The following EDEM3 variants were observed in gnomAD, a reference collection of about 807,000 sequenced individuals.
The protein encoded by EDEM3 is ER degradation enhancing alpha-mannosidase like protein 3.
Under a neutral mutation model 110.2 loss-of-function variants are expected in EDEM3, and 60 were observed. That is an observed-to-expected ratio of 0.54 (90% CI 0.44 to 0.67). The LOEUF (loss-of-function observed/expected upper bound fraction) is 0.67, where lower values mean the gene tolerates loss of function less well. Among genes scored for constraint, EDEM3 ranks in the 30% least tolerant of loss-of-function variants. The probability of loss-of-function intolerance (pLI) is 0.00; values close to 1 mark genes in which losing one functional copy is unlikely to be tolerated. For synonymous variants in EDEM3, 352 were observed against 382.9 expected, an observed-to-expected ratio of 0.92 and a Z score of 0.94; for missense variants, 996 against 1,121.0, an observed-to-expected ratio of 0.89 and a Z score of 1.59.
chr1:184,718,680 G>A (rs548954600), intron 11 of EDEM3, among the ~76,000 whole-genome samples: 2 of 152,212 alleles, frequency 1.3e-5, no homozygotes, highest in African/African-American at 4.8e-5. Flanking sequence ...AAATCAGGAA[G>A]AATAATTCTC....
intron 17 of EDEM3, 78 bp from the exon 18 acceptor site, chr1:184,706,886 T>G (rs1443510373): frequency 2.1e-6 from 3 of 1,422,054 alleles, no homozygotes; most frequent in East Asian, 4.8e-5. Context: ...ATATCTAGAG[T>G]TTTAAAAGAA....
intron 19 of EDEM3, among the ~76,000 whole-genome samples, chr1:184,701,751 A>G (rs538792398): frequency 4.6e-5 from 7 of 152,264 alleles, no homozygotes; most frequent in African/African-American, 1.7e-4. Context: ...TTCTGTTTCC[A>G]TCTATACATT....
rs1649023601 is a variant in EDEM3, at chr1:184,690,660, CCAA to C, written c.*3400_*3402del. ...TACATTTATCACCAAACAATAAAATCCAACAACAGTAGTGTTACAGCACCTGTT... is the reference window on the plus strand; with the variant it reads ...TACATTTATCACCAAACAATAAAATCCAACAGTAGTGTTACAGCACCTGTT... On this transcript the variant is annotated 3_prime_UTR_variant, in exon 20 of 20. Transcript: ENST00000318130. 4 of 152,520 alleles carry C rather than the reference CCAA, an allele frequency of 2.6e-5. No individual in the cohort carries two copies. The highest frequency in any genetic ancestry group is 2.6e-4 in the Admixed American group (4 of 15,260). 9.4% of individuals were successfully genotyped at this position (152,520 alleles called of 1,614,324 possible).
At chr1:184,754,010 G>A (rs1652936631) in intron 1 of EDEM3, among the ~76,000 whole-genome samples, 1 of 152,238 alleles carries the variant, frequency 6.6e-6, no homozygotes, top group South Asian at 2.1e-4. Flanking sequence ...ATAGTAAAAT[G>A]TGTAAAGTTC....
intron 5 of EDEM3, 31 bp from the exon 6 acceptor site, chr1:184,733,021 A>G: frequency 6.2e-7 from 1 of 1,607,636 alleles, no homozygotes; most frequent in Non-Finnish European, 8.5e-7. Context: ...CATTATCCAT[A>G]TCTTATAGAC....
chr1:184,691,135 A>T lies in EDEM3; in HGVS notation c.*2928T>A, dbSNP rs958735706. On this transcript the variant is annotated 3_prime_UTR_variant, in exon 20 of 20. Coordinates refer to ENST00000318130, the MANE Select transcript of EDEM3 (RefSeq NM_025191.4). ...GCCAAGAGTTAATTTGTTCTGAAAC[A>T]ATTATACTCTTTTTGGAAGCCTATT... 1.4e-4 allele frequency: 22 copies of T among 152,568 alleles called. No homozygotes were observed. The highest frequency in any genetic ancestry group is 5.3e-4 in the African/African-American group (22 of 41,448). The allele number at this position is 152,568 out of a possible 1,614,324, so 9.5% of individuals were successfully genotyped here.
intron 19 of EDEM3, among the ~76,000 whole-genome samples, chr1:184,696,436 G>GT (rs199946689): frequency 1.3e-4 from 19 of 150,434 alleles, no homozygotes; most frequent in Non-Finnish European, 2.4e-4. Flanking sequence ...ACCTGTTTTT[G>GT]TTTTTTTTTA....
intron 19 of EDEM3, among the ~76,000 whole-genome samples, chr1:184,696,073 A>G (rs1489944869): frequency 6.6e-6 from 1 of 151,936 alleles, no homozygotes; most frequent in African/African-American, 2.4e-5. Context: ...GCTTCTTTCC[A>G]AATGAAATGC....
chr1:184,712,206 A>G (rs1032114096), intron 14 of EDEM3, among the ~76,000 whole-genome samples: 1 of 152,182 alleles, frequency 6.6e-6, no homozygotes, highest in Non-Finnish European at 1.5e-5. Flanking sequence ...GACTACAGGC[A>G]TGAGCCACCG....
At chr1:184,738,982 A>T (rs1571411361) in intron 2 of EDEM3, among the ~76,000 whole-genome samples, 1 of 150,704 alleles carries the variant, frequency 6.6e-6, no homozygotes, top group South Asian at 2.1e-4. Context: ...ATATTTAGAT[A>T]TTTACTCCAT....
intron 2 of EDEM3, among the ~76,000 whole-genome samples, chr1:184,747,792 C>T (rs1023612507): frequency 1.3e-5 from 2 of 152,208 alleles, no homozygotes. Flanking sequence ...TGTCACAAAC[C>T]TACTAAGTGT....
intron 2 of EDEM3, among the ~76,000 whole-genome samples, chr1:184,747,916 T>G (rs954356290): frequency 2.6e-5 from 4 of 152,220 alleles, no homozygotes; most frequent in African/African-American, 9.6e-5. Flanking sequence ...ATGATCCTAT[T>G]CATTGTGAGA....
At position 184,694,194 on chromosome 1, in the gene EDEM3, G is replaced by A; in HGVS notation, c.2668C>T (p.Gln890Ter). The part of the protein sequence containing the change: ...CTDLDNQLQE[Q>*]SETEEDSNPN... Reference sequence around the variant, plus strand: ...TTGGAATCTTCCTCAGTTTCTGATTGTTCTTGAAGCTGGTTATCTAAATCT... The same window carrying A: ...TTGGAATCTTCCTCAGTTTCTGATTATTCTTGAAGCTGGTTATCTAAATCT... The change falls in exon 20 of 20, where the codon CAA becomes TAA. Residue 890 changes from glutamine (Q) to a stop codon, truncating the protein, a stop_gained. Transcript: ENST00000318130. LOFTEE classifies it high-confidence loss of function. The A allele has an allele frequency of 1.2e-6, 2 of 1,613,408 alleles. No individual in the cohort carries two copies. Among genetic ancestry groups the A allele is most frequent in the South Asian group, 1.1e-5 (1 of 91,062 alleles).
chr1:184,744,535 C>T (rs1424041734), intron 2 of EDEM3, among the ~76,000 whole-genome samples: 1 of 151,632 alleles, frequency 6.6e-6, no homozygotes, highest in Non-Finnish European at 1.5e-5. Flanking sequence ...TTACACTTGC[C>T]ATATGACCTA....
chr1:184,735,820 C>T (rs995095390), intron 4 of EDEM3, among the ~76,000 whole-genome samples: 2 of 152,178 alleles, frequency 1.3e-5, no homozygotes, highest in African/African-American at 4.8e-5. Context: ...TATCCCCACC[C>T]TCCATACACA....
intron 2 of EDEM3, among the ~76,000 whole-genome samples, chr1:184,740,504 G>A (rs1652077406): frequency 6.6e-6 from 1 of 152,170 alleles, no homozygotes; most frequent in Non-Finnish European, 1.5e-5. Flanking sequence ...CATGATCAGT[G>A]ATCAATCACA....
In EDEM3 at chr1:184,726,324, T is replaced by G. The variant is rs1404806435; in HGVS notation, c.678A>C (p.Thr226=). The change falls in exon 7 of 20, where the codon ACA becomes ACC. Residue 226 remains threonine (T), a synonymous_variant. Coordinates refer to ENST00000318130, the MANE Select transcript of EDEM3 (RefSeq NM_025191.4). Reference sequence around the variant, plus strand: ...CAAGGATCAAGGTACCTGCACAAGCTGTACAGGTATCTGTCTCAGTTCCTG... The same window carrying G: ...CAAGGATCAAGGTACCTGCACAAGCGGTACAGGTATCTGTCTCAGTTCCTG... ...ARTGTETDTC[T]ACAGTLILEF... is the part of the protein sequence containing the mutation. 6 of 1,613,824 alleles carry G rather than the reference T, an allele frequency of 3.7e-6. No homozygotes were observed. The highest frequency in any genetic ancestry group is 5.1e-6 in the Non-Finnish European group (6 of 1,179,910).
In EDEM3 at chr1:184,706,695, T is replaced by G. The variant is rs1558044973; in HGVS notation, c.2151A>C (p.Ala717=). 1 of 1,613,786 alleles carries G rather than the reference T, an allele frequency of 6.2e-7. No individual in the cohort carries two copies. The highest frequency in any genetic ancestry group is 1.1e-5 in the South Asian group (1 of 91,038). Residue 717 remains alanine, a synonymous_variant, in exon 18 of 20, where the codon GCA becomes GCC. Transcript: ENST00000318130. The part of the protein sequence containing the change: ...ALIQRGQCMF[A]EKARNIQNAG... Reference sequence around the variant, plus strand: ...CATTCTGGATGTTGCGTGCCTTTTCTGCAAACATGCACTGTCCTCTTTGTA... The same window carrying G: ...CATTCTGGATGTTGCGTGCCTTTTCGGCAAACATGCACTGTCCTCTTTGTA...
chr1:184,693,110 C>T lies in EDEM3; in HGVS notation c.*953G>A, dbSNP rs1649137405. ...GTATATAGCTGTTGGCGATACGAGCCTTGTGGCTCAAATTGCATACCAAAC... is the reference window on the plus strand; with the variant it reads ...GTATATAGCTGTTGGCGATACGAGCTTTGTGGCTCAAATTGCATACCAAAC... On this transcript the variant is annotated 3_prime_UTR_variant, in exon 20 of 20. Coordinates refer to ENST00000318130, the MANE Select transcript of EDEM3 (RefSeq NM_025191.4). 6.5e-6 allele frequency: 1 copy of T among 154,994 alleles called. No homozygotes were observed. The highest frequency in any genetic ancestry group is 1.5e-5 in the Non-Finnish European group (1 of 68,248). The allele number at this position is 154,994 out of a possible 1,614,324, so 9.6% of individuals were successfully genotyped here.
Sources: gnomAD v4.1 joint callset for allele counts (sites outside exome capture counted in the v4.1 genomes callset) on GRCh38, gnomAD v4.1.1 for gene constraint, MANE v1.5 for transcripts, NCBI Gene and HGNC (gene_info 2026-07-23, HGNC 2026-07-21) for gene names.